Variants in PTPRT observed in about 807,000 individuals in gnomAD.
The protein encoded by PTPRT is protein tyrosine phosphatase receptor type T, also known as receptor-type tyrosine-protein phosphatase T.
In PTPRT, 56 loss-of-function variants were observed where a neutral mutation model predicts 176.8. The observed-to-expected ratio is 0.32, with a 90% CI of 0.26 to 0.40. PTPRT has a LOEUF of 0.40. Among genes scored for constraint, PTPRT ranks in the 10% least tolerant of loss-of-function variants. The pLI, the probability that PTPRT is intolerant of heterozygous loss-of-function variation, is 1.00. For missense variants in PTPRT, 1,540 were observed against 1,908.2 expected (o/e 0.81, Z 3.60); for synonymous variants, 783 against 739.0 (o/e 1.06, Z -0.96).
intron 1 of PTPRT, among the ~76,000 whole-genome samples, chr20:43,034,989 G>A (rs777047246): frequency 1.3e-5 from 2 of 151,622 alleles, no homozygotes; most frequent in Non-Finnish European, 2.9e-5. Context: ...TGGGATTAGG[G>A]GACTCACCCA....
intron 15 of PTPRT, among the ~76,000 whole-genome samples, chr20:42,233,790 G>T (rs977350950): frequency 6.6e-6 from 1 of 152,170 alleles, no homozygotes; most frequent in African/African-American, 2.4e-5. Flanking sequence ...GAAACCCTGT[G>T]TCCTATCCAG....
chr20:42,184,833 G>A (rs543873236), intron 16 of PTPRT, among the ~76,000 whole-genome samples: 36 of 144,620 alleles, frequency 2.5e-4, no homozygotes, highest in African/African-American at 7.4e-4. Flanking sequence ...ATGGGGTTTC[G>A]CCATGTTAGC....
At chr20:42,580,202 T>C (rs947543403) in intron 7 of PTPRT, among the ~76,000 whole-genome samples, 2 of 152,206 alleles carry the variant, frequency 1.3e-5, no homozygotes, top group African/African-American at 2.4e-5. Context: ...TTGTCAAAGA[T>C]CAGATAGTTG....
intron 8 of PTPRT, 91 bp from the exon 9 acceptor site, chr20:42,448,420 G>T: frequency 1.1e-6 from 1 of 942,978 alleles, no homozygotes; most frequent in Non-Finnish European, 1.7e-6. Context: ...CAAAGTTGCT[G>T]TAAAGAACCA....
At chr20:42,164,873 T>C (rs1478781863) in intron 16 of PTPRT, among the ~76,000 whole-genome samples, 9 of 152,294 alleles carry the variant, frequency 5.9e-5, no homozygotes, top group Admixed American at 4.6e-4. Context: ...GGATTTTTCA[T>C]TTTTTCTCCT....
chr20:42,228,207 A>C (rs1357583378), intron 15 of PTPRT, among the ~76,000 whole-genome samples: 1 of 152,242 alleles, frequency 6.6e-6, no homozygotes, highest in Non-Finnish European at 1.5e-5. Context: ...AGTAATGAAC[A>C]CAATTACTTT....
At chr20:43,070,182 G>A (rs373946658) in intron 1 of PTPRT, among the ~76,000 whole-genome samples, 39 of 152,210 alleles carry the variant, frequency 2.6e-4, no homozygotes, top group South Asian at 1.2e-3. Flanking sequence ...TGCACAGTCC[G>A]GATAGTCTTG....
chr20:42,704,786 TG>T (rs2076026428), intron 6 of PTPRT, among the ~76,000 whole-genome samples: 1 of 152,312 alleles, frequency 6.6e-6, no homozygotes, highest in African/African-American at 2.4e-5. Flanking sequence ...GAAAGGGTCA[TG>T]TAGGGGCTGA....
At chr20:42,821,594 T>A (rs979658055) in intron 2 of PTPRT, among the ~76,000 whole-genome samples, 2 of 152,072 alleles carry the variant, frequency 1.3e-5, no homozygotes, top group African/African-American at 4.8e-5. Context: ...TAAAGGGTAT[T>A]AAAATAGGAA....
At chr20:42,152,233 G>A (rs1280575607) in intron 17 of PTPRT, among the ~76,000 whole-genome samples, 1 of 152,240 alleles carries the variant, frequency 6.6e-6, no homozygotes, top group Non-Finnish European at 1.5e-5. Flanking sequence ...CCTTGGCAGA[G>A]GCCAAGCTTT....
intron 1 of PTPRT, among the ~76,000 whole-genome samples, chr20:42,958,798 C>T (rs1214303879): frequency 2.0e-5 from 3 of 152,150 alleles, no homozygotes; most frequent in Admixed American, 2.0e-4. Flanking sequence ...CAACCCTTCA[C>T]CCCTCGGCTG....
At chr20:42,532,370 C>A (rs73274816) in intron 7 of PTPRT, among the ~76,000 whole-genome samples, 14,325 of 152,042 alleles carry the variant, frequency 0.094, 1,359 homozygotes, top group African/African-American at 0.25. Flanking sequence ...CCATTCACAT[C>A]CTTCTATAAA....
chr20:42,298,571 A>G (rs1174941366), intron 12 of PTPRT, among the ~76,000 whole-genome samples: 1 of 152,224 alleles, frequency 6.6e-6, no homozygotes, highest in Non-Finnish European at 1.5e-5. Flanking sequence ...CAACTGAAAG[A>G]TATTGAAAAC....
chr20:42,194,271 C>A (rs1991112358), intron 16 of PTPRT, among the ~76,000 whole-genome samples: 1 of 152,216 alleles, frequency 6.6e-6, no homozygotes, highest in Non-Finnish European at 1.5e-5. Context: ...GAGAAAAAGT[C>A]CATTAAATCC....
the PTPRT span, among the ~76,000 whole-genome samples, chr20:42,036,011 A>C: frequency 6.6e-6 from 1 of 152,196 alleles, no homozygotes; most frequent in African/African-American, 2.4e-5. Flanking sequence ...AGGTAGGGGA[A>C]GTGTGACAAG....
chr20:42,576,397 C>T (rs778021274), intron 7 of PTPRT, among the ~76,000 whole-genome samples: 4 of 152,176 alleles, frequency 2.6e-5, no homozygotes, highest in Non-Finnish European at 5.9e-5. Context: ...AGCACGGTGC[C>T]TGGCCTGCAG....
intron 6 of PTPRT, among the ~76,000 whole-genome samples, chr20:42,703,441 G>A (rs896122082): frequency 2.6e-5 from 4 of 152,172 alleles, no homozygotes; most frequent in African/African-American, 4.8e-5. Flanking sequence ...TAAAGAAAGA[G>A]CATTGTTACC....
intron 6 of PTPRT, among the ~76,000 whole-genome samples, chr20:42,733,734 T>A (rs1314181811): frequency 6.6e-6 from 1 of 152,210 alleles, no homozygotes; most frequent in African/African-American, 2.4e-5. Context: ...AGAAGAACTG[T>A]TGGGGTTTAT....
chr20:42,537,454 T>C (rs2072496596), intron 7 of PTPRT, among the ~76,000 whole-genome samples: 1 of 152,244 alleles, frequency 6.6e-6, no homozygotes, highest in South Asian at 2.1e-4. Context: ...ACTTATTGTG[T>C]GTCTACTCTG....
Sources: allele counts gnomAD v4.1 joint callset (sites outside exome capture counted in the v4.1 genomes callset), GRCh38; gene constraint gnomAD v4.1.1; transcripts MANE v1.5; gene names NCBI Gene and HGNC (gene_info 2026-07-23, HGNC 2026-07-21).